Variants in FGD6 observed in about 807,000 individuals in gnomAD.
The protein encoded by FGD6 is FYVE, RhoGEF and PH domain containing 6.
In FGD6, 90 loss-of-function variants were observed where a neutral mutation model predicts 149.4. The observed-to-expected ratio is 0.60, with a 90% confidence interval of 0.51 to 0.72. The LOEUF is 0.72. Ranked by LOEUF, FGD6 falls within the 30% of genes least tolerant of loss-of-function variation. The pLI, the probability that FGD6 is intolerant of heterozygous loss-of-function variation, is 0.00. For synonymous variants in FGD6, 527 were observed against 584.0 expected (o/e 0.90, Z 1.41); for missense variants, 1,437 against 1,684.8 (o/e 0.85, Z 2.57).
intron 7 of FGD6, among the ~76,000 whole-genome samples, chr12:95,136,400 C>G (rs565766875): frequency 6.6e-6 from 1 of 152,218 alleles, no homozygotes; most frequent in Admixed American, 6.5e-5. Flanking sequence ...AAAAAAAACC[C>G]TTTTCACTTC....
intron 14 of FGD6, among the ~76,000 whole-genome samples, chr12:95,095,659 T>C (rs1878210145): frequency 6.6e-6 from 1 of 152,002 alleles, no homozygotes; most frequent in African/African-American, 2.4e-5. Flanking sequence ...CAGAATGGGA[T>C]TGTGACTGTG....
At chr12:95,111,353 G>A (rs1194194394) in intron 9 of FGD6, among the ~76,000 whole-genome samples, 1 of 152,164 alleles carries the variant, frequency 6.6e-6, no homozygotes, top group Non-Finnish European at 1.5e-5. Context: ...TCTCATCTAT[G>A]TCTTTGCTGT....
At position 95,172,035 on chromosome 12, in the gene FGD6, A is replaced by AGGG. The variant is rs776447160; in HGVS notation, c.2586+562_2586+564dup. Among the ~76,000 whole-genome samples, 563 of 35,716 alleles carry AGGG rather than the reference A, an allele frequency of 0.016. 18 individuals are homozygous for AGGG. In the East Asian group the frequency reaches 0.31, roughly 19 times the overall value. 23.4% of individuals were successfully genotyped at this position (35,716 alleles called of 152,430 possible). ...GGTAGCAGTACAGGGAACAATTCTA[A>AGGG]GGGGGGGGGGGTTGTTATCAAAAAG... On this transcript the variant is annotated intron_variant, in intron 3 of 20. Coordinates refer to ENST00000343958, the MANE Select transcript of FGD6 (RefSeq NM_018351.4).
intron 6 of FGD6, among the ~76,000 whole-genome samples, chr12:95,140,021 TA>T (rs1406770814): frequency 1.3e-5 from 2 of 152,228 alleles, no homozygotes; most frequent in African/African-American, 2.4e-5. Context: ...GGCTATGTAT[TA>T]ATTGCTTATC....
At chr12:95,157,566 CAA>C (rs71078615) in intron 3 of FGD6, among the ~76,000 whole-genome samples, 1 of 113,292 alleles carries the variant, frequency 8.8e-6, no homozygotes, top group African/African-American at 3.5e-5. Context: ...AACTCTGTCT[CAA>C]AAAAAAAAAA....
chr12:95,124,284 G>A (rs1445938130), intron 8 of FGD6, among the ~76,000 whole-genome samples: 1 of 152,144 alleles, frequency 6.6e-6, no homozygotes, highest in Non-Finnish European at 1.5e-5. Flanking sequence ...TAAGTGTACG[G>A]AAATGGCCTT....
At chr12:95,171,381 T>A (rs1276233647) in intron 3 of FGD6, among the ~76,000 whole-genome samples, 1 of 152,226 alleles carries the variant, frequency 6.6e-6, no homozygotes, top group Non-Finnish European at 1.5e-5. Context: ...AAATTCCATA[T>A]TGCTGTAACA....
chr12:95,207,014 C>T (rs1434995876), intron 2 of FGD6, among the ~76,000 whole-genome samples: 5 of 148,794 alleles, frequency 3.4e-5, no homozygotes, highest in African/African-American at 7.4e-5. Context: ...TTTTTTGGAG[C>T]CCCCAAGATA....
intron 5 of FGD6, 136 bp from the exon 6 acceptor site, chr12:95,141,675 G>A (rs1314692933): frequency 3.1e-6 from 3 of 975,390 alleles, no homozygotes; most frequent in South Asian, 2.0e-5. Context: ...CAAATCTAAA[G>A]TACCCCCTTC....
In FGD6 at chr12:95,210,034, G is replaced by C; in HGVS notation, c.1250C>G (p.Ser417Cys). Residue 417 changes from serine (S) to cysteine (C), a missense_variant, in exon 2 of 21, where the codon TCT (serine) becomes TGT (cysteine). Around this residue, in one of 2 missense-constraint regions of FGD6, gnomAD observed 1,055 missense variants for 1,146.0 expected, o/e 0.92. Transcript: ENST00000343958. ...ETTSFEKMAP[S>C]FDKDSNLSSD... The stretch of plus-strand genomic sequence containing the variant: ...ACTCAAATTAGAGTCTTTATCAAAA[G>C]AAGGTGCCATTTTTTCAAAGGAAGT... 6.2e-7 allele frequency: 1 copy of C among 1,613,974 alleles called. No homozygotes were observed. The highest frequency in any genetic ancestry group is 1.1e-5 in the South Asian group (1 of 91,024).
intron 13 of FGD6, among the ~76,000 whole-genome samples, chr12:95,106,009 C>CA (rs1191391861): frequency 6.6e-6 from 1 of 150,910 alleles, no homozygotes; most frequent in East Asian, 1.9e-4. Context: ...GACTCTGTCA[C>CA]AAAAAAACAA....
intron 2 of FGD6, among the ~76,000 whole-genome samples, chr12:95,176,564 TAAGAC>T (rs895280483): frequency 1.3e-5 from 2 of 152,222 alleles, no homozygotes; most frequent in Admixed American, 1.3e-4. Flanking sequence ...GCACTGGAAT[TAAGAC>T]AAACAAGTAA....
In FGD6 at chr12:95,175,343, T is replaced by C. The variant is rs1169778980; in HGVS notation, c.2442-2599A>G. Among the ~76,000 whole-genome samples, 3 of 151,982 alleles carry C rather than the reference T, an allele frequency of 2.0e-5. No homozygotes were observed. The East Asian group carries it at 5.8e-4, about 29-fold the overall frequency. ...AGACCCTCAAGAATTTTTCACCAAA[T>C]AAATGAAAATGATATCAGAAAGCAA... On this transcript the variant is annotated intron_variant, in intron 2 of 20. Transcript: ENST00000343958.
In FGD6 at chr12:95,170,598, C is replaced by T. The variant is rs915205757; in HGVS notation, c.2586+2002G>A. Among the ~76,000 whole-genome samples, 8 of 152,204 alleles carry T rather than the reference C, an allele frequency of 5.3e-5. No individual in the cohort carries two copies. The East Asian group carries it at 7.7e-4, about 15-fold the overall frequency. On this transcript the variant is annotated intron_variant, in intron 3 of 20. Transcript: ENST00000343958. ...CAGAGGTTGCAGTGAGCCGAGATCGCGCCATTGTACTCCAGCCTGGGCAAC... is the reference window on the plus strand; with the variant it reads ...CAGAGGTTGCAGTGAGCCGAGATCGTGCCATTGTACTCCAGCCTGGGCAAC...
At chr12:95,142,088 T>C (rs1879864479) in intron 5 of FGD6, among the ~76,000 whole-genome samples, 2 of 151,444 alleles carry the variant, frequency 1.3e-5, no homozygotes, top group Admixed American at 1.3e-4. Flanking sequence ...TCATGGCAAC[T>C]TCCCGAGTAG....
chr12:95,186,371 T>G (rs1881437946), intron 2 of FGD6, among the ~76,000 whole-genome samples: 2 of 148,018 alleles, frequency 1.4e-5, no homozygotes, highest in South Asian at 4.4e-4. Context: ...GCCTCAGCCT[T>G]CCAAGCAGTA....
rs543163257 is a variant in FGD6 at position 95,171,899 on chromosome 12, T to C, written c.2586+701A>G. Among the ~76,000 whole-genome samples the C allele has an allele frequency of 1.1e-4, 16 of 152,280 alleles. No homozygotes were observed. The East Asian group carries it at 2.1e-3, about 20-fold the overall frequency. ...CCAAACTCATACACACACTGGATTA[T>C]TTCAAAGCAAATGATGATGTACTAT... On this transcript the variant is annotated intron_variant, in intron 3 of 20. Coordinates refer to ENST00000343958, the MANE Select transcript of FGD6 (RefSeq NM_018351.4).
At chr12:95,195,257 C>T (rs1028428629) in intron 2 of FGD6, among the ~76,000 whole-genome samples, 3 of 152,146 alleles carry the variant, frequency 2.0e-5, no homozygotes, top group African/African-American at 7.2e-5. Context: ...TAAAATGTCA[C>T]TATGTTTACA....
intron 2 of FGD6, among the ~76,000 whole-genome samples, chr12:95,202,621 T>C (rs1053257901): frequency 2.6e-5 from 4 of 152,062 alleles, no homozygotes; most frequent in African/African-American, 9.7e-5. Context: ...CTCGAACTCC[T>C]GGGCTCGAGC....
Sources: allele counts gnomAD v4.1 joint callset (sites outside exome capture counted in the v4.1 genomes callset), GRCh38; gene constraint gnomAD v4.1.1; regional missense constraint gnomAD v4.1.1; transcripts MANE v1.5; gene names NCBI Gene and HGNC (gene_info 2026-07-23, HGNC 2026-07-21).